Variants in TMEM132B observed in about 807,000 individuals in gnomAD.
The protein encoded by TMEM132B is transmembrane protein 132B.
Under a neutral mutation model 90.8 loss-of-function variants are expected in TMEM132B, and 18 were observed. The ratio of observed to expected loss-of-function variants is 0.20; its 90% CI spans 0.14 to 0.29. The LOEUF (loss-of-function observed/expected upper bound fraction) is 0.29. Among genes scored for constraint, TMEM132B ranks in the 10% least tolerant of loss-of-function variants. TMEM132B has a pLI of 1.00. For missense variants in TMEM132B, 1,096 were observed against 1,326.8 expected, an observed-to-expected ratio of 0.83 and a Z score of 2.70; for synonymous variants, 504 against 523.3, an observed-to-expected ratio of 0.96 and a Z score of 0.50.
At chr12:125,485,640 G>A (rs1445891567) in intron 3 of TMEM132B, among the ~76,000 whole-genome samples, 1 of 152,032 alleles carries the variant, frequency 6.6e-6, no homozygotes, top group African/African-American at 2.4e-5. Context: ...AACCCATACC[G>A]GGTATCTCAT....
chr12:125,215,691 G>A (rs531345925), intron 1 of TMEM132B, among the ~76,000 whole-genome samples: 13 of 152,114 alleles, frequency 8.5e-5, no homozygotes, highest in East Asian at 3.9e-4. Flanking sequence ...ACAGGCATGC[G>A]CCACCACGCC....
At chr12:125,428,320 G>C (rs1880390775) in intron 3 of TMEM132B, among the ~76,000 whole-genome samples, 1 of 151,774 alleles carries the variant, frequency 6.6e-6, no homozygotes, top group South Asian at 2.1e-4. Flanking sequence ...TTGGCCTTTT[G>C]TGTTGGTATT....
At chr12:125,569,727 C>T (rs1051612191) in intron 4 of TMEM132B, among the ~76,000 whole-genome samples, 10 of 152,164 alleles carry the variant, frequency 6.6e-5, no homozygotes, top group African/African-American at 1.2e-4. Context: ...GAACTGGAAC[C>T]AGCACGGGAG....
chr12:125,520,017 C>T (rs1298593940), intron 4 of TMEM132B, among the ~76,000 whole-genome samples: 1 of 152,170 alleles, frequency 6.6e-6, no homozygotes, highest in East Asian at 1.9e-4. Flanking sequence ...CCTTAAGTCT[C>T]CCAGGTAACT....
rs754917871 is a variant in TMEM132B, at chr12:125,522,235, C to T, written c.1293+2610C>T. ...TGTCCTTGTCTTGTGCAGATCCCAT[C>T]ACAGTCTGTGATCCATGCTTATTTA... On this transcript the variant is annotated intron_variant, in intron 4 of 8. Transcript: ENST00000682704. Among the ~76,000 whole-genome samples, 3 of 152,220 alleles carry T rather than the reference C, an allele frequency of 2.0e-5. 1 individual carries two copies. The South Asian group carries it at 6.2e-4, about 32-fold the overall frequency.
intron 2 of TMEM132B, among the ~76,000 whole-genome samples, chr12:125,386,347 G>A (rs1878832596): frequency 6.6e-6 from 1 of 152,194 alleles, no homozygotes; most frequent in Admixed American, 6.5e-5. Flanking sequence ...GGGAAGTAAG[G>A]TCAGATGGCT....
chr12:125,517,552 C>G (rs909735793), intron 3 of TMEM132B, among the ~76,000 whole-genome samples: 5 of 151,946 alleles, frequency 3.3e-5, no homozygotes, highest in Non-Finnish European at 4.4e-5. Flanking sequence ...TTATAGATCC[C>G]AAGTACCTAT....
chr12:125,580,551 T>C (rs1180286177), intron 4 of TMEM132B, among the ~76,000 whole-genome samples: 2 of 152,214 alleles, frequency 1.3e-5, no homozygotes, highest in Non-Finnish European at 2.9e-5. Flanking sequence ...ATGTAGGCTG[T>C]TATTTTTTAA....
At chr12:125,552,595 T>G (rs1884262703) in intron 4 of TMEM132B, among the ~76,000 whole-genome samples, 2 of 152,014 alleles carry the variant, frequency 1.3e-5, no homozygotes, top group African/African-American at 4.8e-5. Flanking sequence ...CCCGGGCCCC[T>G]CCCCATGCCT....
intron 4 of TMEM132B, among the ~76,000 whole-genome samples, chr12:125,582,534 A>C (rs1885077155): frequency 6.6e-6 from 1 of 152,048 alleles, no homozygotes; most frequent in South Asian, 2.1e-4. Context: ...TGTTTGGTGA[A>C]CTCTCATTGC....
chr12:125,412,731 C>T (rs1359172375), intron 2 of TMEM132B, among the ~76,000 whole-genome samples: 1 of 152,122 alleles, frequency 6.6e-6, no homozygotes, highest in Non-Finnish European at 1.5e-5. Context: ...GGAAGGGACC[C>T]TGTTTCTCTA....
At position 125,206,331 on chromosome 12, in the gene TMEM132B, C is replaced by T. The variant is rs192081928; in HGVS notation, c.67+19465C>T. 4.0e-5 allele frequency among the ~76,000 whole-genome samples: 6 copies of T among 150,566 alleles called. No homozygotes were observed. The South Asian group carries it at 6.3e-4, about 16-fold the overall frequency. On this transcript the variant is annotated intron_variant, in intron 1 of 8. Coordinates refer to ENST00000682704, the MANE Select transcript of TMEM132B (RefSeq NM_001366854.1). ...TCAGCTCACTGCAACCTCCGCCTCC[C>T]GGGTTCACATGATTCTCCTGCCTCC...
In TMEM132B at chr12:125,277,638, A is replaced by G. The variant is rs1057424863; in HGVS notation, c.68-71814A>G. On this transcript the variant is annotated intron_variant, in intron 1 of 8. Coordinates refer to ENST00000682704, the MANE Select transcript of TMEM132B (RefSeq NM_001366854.1). The surrounding 1 kb of genome is among the most constrained non-coding windows in gnomAD (Gnocchi z 4.3). ...CCAGCGACCCCAGAGGCAAAGAGAA[A>G]GGCGTAGAACCTCTCCAGAGCCTTT... Among the ~76,000 whole-genome samples the G allele has an allele frequency of 7.2e-5, 11 of 152,042 alleles. No homozygotes were observed. Among genetic ancestry groups the G allele is most frequent in the African/African-American group, 2.7e-4 (11 of 41,382 alleles).
intron 1 of TMEM132B, among the ~76,000 whole-genome samples, chr12:125,228,319 T>C (rs1269046626): frequency 1.3e-5 from 2 of 152,140 alleles, no homozygotes; most frequent in Non-Finnish European, 2.9e-5. Context: ...CAGGACCACG[T>C]GTGTGTGAAC....
chr12:125,463,534 C>G (rs1353615413), intron 3 of TMEM132B, among the ~76,000 whole-genome samples: 3 of 152,134 alleles, frequency 2.0e-5, no homozygotes, highest in African/African-American at 7.2e-5. Context: ...GACTGATTGT[C>G]TTTGGGACTC....
chr12:125,331,250 C>T (rs995828914), intron 1 of TMEM132B, among the ~76,000 whole-genome samples: 1 of 152,218 alleles, frequency 6.6e-6, no homozygotes, highest in Non-Finnish European at 1.5e-5. Context: ...GAGTCCGCTT[C>T]GTCCTCCGCT....
rs1298465912 is a variant in TMEM132B, at chr12:125,282,168, C to T, written c.68-67284C>T. Among the ~76,000 whole-genome samples the T allele has an allele frequency of 2.0e-5, 3 of 151,606 alleles. No individual in the cohort carries two copies. In the East Asian group the frequency reaches 5.8e-4, roughly 29 times the overall value. ...TCACATTTGCCATCCTTGGTTTGGCCTGTCTTTCCCATCTGAGCTTGCCTT... is the reference window on the plus strand; with the variant it reads ...TCACATTTGCCATCCTTGGTTTGGCTTGTCTTTCCCATCTGAGCTTGCCTT... On this transcript the variant is annotated intron_variant, in intron 1 of 8. Transcript: ENST00000682704.
intron 1 of TMEM132B, among the ~76,000 whole-genome samples, chr12:125,304,397 A>AT (rs889885132): frequency 1.4e-4 from 21 of 151,934 alleles, no homozygotes; most frequent in Non-Finnish European, 2.9e-4. Context: ...GGTTGCTTTT[A>AT]TTTTTTTGGT....
chr12:125,633,671 G>A (rs988847580), intron 5 of TMEM132B, among the ~76,000 whole-genome samples: 18 of 150,418 alleles, frequency 1.2e-4, no homozygotes, highest in Non-Finnish European at 1.2e-4. Context: ...TCTTGCAGAC[G>A]CATAGTGGTA....
Sources: allele counts gnomAD v4.1 joint callset (sites outside exome capture counted in the v4.1 genomes callset), GRCh38; gene constraint gnomAD v4.1.1; non-coding constraint Gnocchi (gnomAD v3.1); transcripts MANE v1.5; gene names NCBI Gene and HGNC (gene_info 2026-07-23, HGNC 2026-07-21).